EPHB2: variants seen among roughly 807,000 people sequenced by gnomAD.
The protein encoded by EPHB2 is ephrin type-B receptor 2.
A neutral mutation model predicts 96.4 loss-of-function variants in EPHB2; 18 were observed. The ratio of observed to expected loss-of-function variants is 0.19; its 90% CI spans 0.13 to 0.28. The LOEUF is 0.28. Among genes scored for constraint, EPHB2 ranks in the 10% least tolerant of loss-of-function variants. The pLI is 1.00. For synonymous variants in EPHB2, 506 were observed against 534.1 expected (o/e 0.95, Z 0.72); for missense variants, 989 against 1,355.4 (o/e 0.73, Z 4.25).
In EPHB2 at chr1:22,861,487, A is replaced by G. The variant is rs150526081; in HGVS notation, c.812-1550A>G. 4.1e-3 allele frequency among the ~76,000 whole-genome samples: 627 copies of G among 152,318 alleles called. 2 individuals carry two copies. Among genetic ancestry groups the G allele is most frequent in the Middle Eastern group, 0.024 (7 of 294 alleles). On this transcript the variant is annotated intron_variant, in intron 3 of 15. Transcript: ENST00000374630. ...ACCCCCCATCTCTACAAAAATAAAA[A>G]TAAAATTAATAACAACAACAAAAGA...
chr1:22,721,716 A>G (rs1025100013), intron 1 of EPHB2, among the ~76,000 whole-genome samples: 1 of 151,976 alleles, frequency 6.6e-6, no homozygotes, highest in African/African-American at 2.4e-5. Context: ...CCTGGGCTCA[A>G]GCAATTCTCT....
chr1:22,787,193 T>C (rs1014670249), intron 3 of EPHB2, among the ~76,000 whole-genome samples: 1 of 152,214 alleles, frequency 6.6e-6, no homozygotes, highest in African/African-American at 2.4e-5. Flanking sequence ...TAATAGGAAC[T>C]GCTCAGGCTA....
At chr1:22,838,410 G>A (rs1013364559) in intron 3 of EPHB2, among the ~76,000 whole-genome samples, 2 of 152,234 alleles carry the variant, frequency 1.3e-5, no homozygotes, top group African/African-American at 4.8e-5. Flanking sequence ...GAATAGTATA[G>A]GCATTAACTG....
At chr1:22,847,966 C>G (rs1645568195) in intron 3 of EPHB2, among the ~76,000 whole-genome samples, 1 of 152,132 alleles carries the variant, frequency 6.6e-6, no homozygotes. Context: ...TAATCATACT[C>G]TCTCTCCCCT....
Position 22,910,451 on chromosome 1 carries a change from C to G in EPHB2, c.2572C>G (p.Leu858Val), listed in dbSNP as rs1640057652. Residue 858 changes from leucine (L) to valine (V), a missense_variant, in exon 14 of 16, where the codon CTC (leucine) becomes GTC (valine). Coordinates refer to ENST00000374630, the MANE Select transcript of EPHB2 (RefSeq NM_017449.5). ...GGACTGCCCGAGCGCCCTGCACCAACTCATGCTGGACTGTTGGCAGAAGGA... is the reference window on the plus strand; with the variant it reads ...GGACTGCCCGAGCGCCCTGCACCAAGTCATGCTGGACTGTTGGCAGAAGGA... ...PMDCPSALHQ[L>V]MLDCWQKDRN... 2 of 1,614,242 alleles carry G rather than the reference C, an allele frequency of 1.2e-6. No individual in the cohort carries two copies. Among genetic ancestry groups the G allele is most frequent in the Non-Finnish European group, 1.7e-6 (2 of 1,180,034 alleles).
At chr1:22,786,910 C>T (rs138809290) in intron 3 of EPHB2, among the ~76,000 whole-genome samples, 2 of 152,292 alleles carry the variant, frequency 1.3e-5, no homozygotes, top group African/African-American at 4.8e-5. Context: ...TTTGGTTTTA[C>T]GTCCTTGGGT....
rs369937173 is a variant in EPHB2, at chr1:22,755,679, G to A, written c.62-25742G>A. On this transcript the variant is annotated intron_variant, in intron 1 of 15. Coordinates refer to ENST00000374630, the MANE Select transcript of EPHB2 (RefSeq NM_017449.5). The stretch of plus-strand genomic sequence containing the variant: ...CAATTACTTCACTGCAAAGTGCCTC[G>A]GTTTCCTCATCTGTAAAATGGGACT... Among the ~76,000 whole-genome samples, 8 of 152,134 alleles carry A rather than the reference G, an allele frequency of 5.3e-5. No homozygotes were observed. In the South Asian group the frequency reaches 1.2e-3, roughly 24 times the overall value.
In EPHB2 at chr1:22,875,147, G is replaced by A. The variant is rs1638795564; in HGVS notation, c.1304-7212G>A. Among the ~76,000 whole-genome samples, 2 of 152,130 alleles carry A rather than the reference G, an allele frequency of 1.3e-5. No homozygotes were observed. The highest frequency in any genetic ancestry group is 4.2e-4 in the South Asian group (2 of 4,814). ...AGAGGCCCATCAGAAAGAATCAAAG[G>A]CCCACTTTCTGGAAGTTTTATTTGC... On this transcript the variant is annotated intron_variant, in intron 5 of 15. Transcript: ENST00000374630. The surrounding 1 kb of genome is among the most constrained non-coding windows in gnomAD (Gnocchi z 4.2).
chr1:22,913,904 A>G lies in EPHB2; in HGVS notation c.*334A>G, dbSNP rs546230080. 56 of 1,535,894 alleles carry G rather than the reference A, an allele frequency of 3.6e-5. 1 individual carries two copies. The highest frequency in any genetic ancestry group is 3.5e-4 in the South Asian group (27 of 77,520). ...TTGGGAGATTCATGCGATGTGTCCA[A>G]TCGGAGACAAAAGCAGTTTCTCTCC... On this transcript the variant is annotated 3_prime_UTR_variant, in exon 16 of 16. Coordinates refer to ENST00000374630, the MANE Select transcript of EPHB2 (RefSeq NM_017449.5). This position sits in a 1 kb window ranked among gnomAD's most constrained non-coding sequence, Gnocchi z 4.1.
At chr1:22,737,156 C>A (rs1404987329) in intron 1 of EPHB2, among the ~76,000 whole-genome samples, 1 of 152,314 alleles carries the variant, frequency 6.6e-6, no homozygotes, top group South Asian at 2.1e-4. Context: ...CTCACCCTGG[C>A]CATTCAGCTA....
At chr1:22,714,741 A>G (rs986196192) in intron 1 of EPHB2, among the ~76,000 whole-genome samples, 2 of 152,230 alleles carry the variant, frequency 1.3e-5, no homozygotes, top group Non-Finnish European at 2.9e-5. Context: ...GGACAGTCAC[A>G]GTAAAGCCAG....
chr1:22,821,609 C>T (rs1645153406), intron 3 of EPHB2, among the ~76,000 whole-genome samples: 1 of 152,192 alleles, frequency 6.6e-6, no homozygotes, highest in Admixed American at 6.5e-5. Flanking sequence ...GCCCTCTGTC[C>T]CTCCTACATT....
At chr1:22,861,566 C>G (rs1638260572) in intron 3 of EPHB2, among the ~76,000 whole-genome samples, 1 of 152,182 alleles carries the variant, frequency 6.6e-6, no homozygotes, top group South Asian at 2.1e-4. Context: ...ACAGGACAAG[C>G]AGCTGTGAGT....
intron 1 of EPHB2, among the ~76,000 whole-genome samples, chr1:22,769,758 A>G (rs1360932871): frequency 1.3e-5 from 2 of 152,234 alleles, no homozygotes; most frequent in African/African-American, 4.8e-5. Flanking sequence ...TGTTCAACAC[A>G]TGCAGGCTGG....
chr1:22,887,326 A>G (rs1639258195), intron 6 of EPHB2, among the ~76,000 whole-genome samples: 1 of 152,164 alleles, frequency 6.6e-6, no homozygotes, highest in Non-Finnish European at 1.5e-5. Flanking sequence ...CAGCAAGTCC[A>G]CAGCCGGCTG....
At chr1:22,747,973 C>T (rs146923651) in intron 1 of EPHB2, among the ~76,000 whole-genome samples, 65 of 152,308 alleles carry the variant, frequency 4.3e-4, no homozygotes, top group African/African-American at 1.5e-3. Context: ...TAAAGAACCA[C>T]ATTTAAGGGC....
chr1:22,754,788 A>T (rs564178101), intron 1 of EPHB2, among the ~76,000 whole-genome samples: 6 of 4,614 alleles, frequency 1.3e-3, no homozygotes, highest in Middle Eastern at 0.056. Context: ...CAGAAAAGAG[A>T]GGTCGACAGG....
rs552567812 is a variant in EPHB2 at position 22,774,620 on chromosome 1, C to G, written c.62-6801C>G. 2.1e-5 allele frequency: 21 copies of G among 985,254 alleles called. No homozygotes were observed. In the African/African-American group the frequency reaches 2.6e-4, roughly 12 times the overall value. 61.0% of individuals were successfully genotyped at this position (985,254 alleles called of 1,614,324 possible). On this transcript the variant is annotated intron_variant, in intron 1 of 15. Transcript: ENST00000374630. ...TTTGGATGGCTGGATACGAGAGACACGGAAGACGGTGGCTGGAAGGTAATT... is the reference window on the plus strand; with the variant it reads ...TTTGGATGGCTGGATACGAGAGACAGGGAAGACGGTGGCTGGAAGGTAATT...
At position 22,749,639 on chromosome 1, in the gene EPHB2, G is replaced by T. The variant is rs531568134; in HGVS notation, c.62-31782G>T. 1.1e-3 allele frequency among the ~76,000 whole-genome samples: 170 copies of T among 152,296 alleles called. 2 individuals are homozygous for T. Among genetic ancestry groups the T allele is most frequent in the African/African-American group, 4.0e-3 (167 of 41,558 alleles). ...CTCTTTGAGGGAAGGGGAAAGGAAG[G>T]TGAAGGTATTGGGCCCAGGATGGAG... On this transcript the variant is annotated intron_variant, in intron 1 of 15. Coordinates refer to ENST00000374630, the MANE Select transcript of EPHB2 (RefSeq NM_017449.5).
Sources: allele counts gnomAD v4.1 joint callset (sites outside exome capture counted in the v4.1 genomes callset), GRCh38; gene constraint gnomAD v4.1.1; non-coding constraint Gnocchi (gnomAD v3.1); transcripts MANE v1.5; gene names NCBI Gene and HGNC (gene_info 2026-07-23, HGNC 2026-07-21).